The following CSMD3 variants were observed in gnomAD, a reference collection of about 807,000 sequenced individuals.
The protein encoded by CSMD3 is CUB and Sushi multiple domains 3.
Under a neutral mutation model 435.2 loss-of-function variants are expected in CSMD3, and 177 were observed. The ratio of observed to expected loss-of-function variants is 0.41; its 90% CI spans 0.36 to 0.46. The LOEUF is 0.46. CSMD3 is among the 20% of genes least tolerant of loss of function. The pLI, the probability that CSMD3 is intolerant of heterozygous loss-of-function variation, is 0.34. For synonymous variants in CSMD3, 1,656 were observed against 1,520.5 expected, an observed-to-expected ratio of 1.09 and a Z score of -2.07; for missense variants, 4,265 against 4,504.6, an observed-to-expected ratio of 0.95 and a Z score of 1.52.
intron 3 of CSMD3, among the ~76,000 whole-genome samples, chr8:113,276,664 CA>C (rs1356144621): frequency 1.8e-4 from 28 of 151,792 alleles, no homozygotes; most frequent in Non-Finnish European, 4.4e-5. Flanking sequence ...GAGAAATCAG[CA>C]AAGAACACCA....
intron 1 of CSMD3, among the ~76,000 whole-genome samples, chr8:113,423,721 T>A (rs1348542491): frequency 6.6e-6 from 1 of 151,822 alleles, no homozygotes; most frequent in Non-Finnish European, 1.5e-5. Context: ...TTTAAATAGG[T>A]CGTCTTTATG....
chr8:112,474,766 T>C (rs139483824), intron 31 of CSMD3, among the ~76,000 whole-genome samples: 3 of 152,270 alleles, frequency 2.0e-5, no homozygotes, highest in East Asian at 1.9e-4. Flanking sequence ...AGCAATACAG[T>C]ATAGTTAAAA....
At chr8:112,758,004 C>A (rs959622995) in intron 13 of CSMD3, among the ~76,000 whole-genome samples, 1 of 151,458 alleles carries the variant, frequency 6.6e-6, no homozygotes, top group African/African-American at 2.4e-5. Context: ...TGCAGTGAGC[C>A]GTGATCAGGC....
intron 13 of CSMD3, among the ~76,000 whole-genome samples, chr8:112,715,624 A>C (rs938357241): frequency 6.6e-6 from 1 of 152,186 alleles, no homozygotes; most frequent in Non-Finnish European, 1.5e-5. Context: ...ACAACAAAAA[A>C]AGAAAACTTC....
intron 7 of CSMD3, among the ~76,000 whole-genome samples, chr8:112,974,761 T>C (rs1159166028): frequency 1.3e-5 from 2 of 151,762 alleles, no homozygotes; most frequent in African/African-American, 2.4e-5. Context: ...TTCTGAGATA[T>C]TTTTGTATTA....
chr8:112,438,803 A>G (rs539985619), intron 32 of CSMD3, among the ~76,000 whole-genome samples: 2 of 152,358 alleles, frequency 1.3e-5, no homozygotes, highest in African/African-American at 4.8e-5. Context: ...TGAAAAAATA[A>G]TTATAACCCC....
intron 2 of CSMD3, among the ~76,000 whole-genome samples, chr8:113,282,908 T>G (rs999076502): frequency 6.6e-6 from 1 of 151,940 alleles, no homozygotes; most frequent in African/African-American, 2.4e-5. Context: ...TGGAACAGAA[T>G]AGAGAACCCA....
chr8:112,244,538 C>T lies in CSMD3; in HGVS notation c.10258G>A (p.Ala3420Thr), dbSNP rs1162260163. The change falls in exon 65 of 71, where the codon GCA becomes ACA. Residue 3420 changes from alanine (A) to threonine (T), a missense_variant. By Grantham distance (58) the Ala-to-Thr change is moderately conservative. This residue lies in a region of CSMD3 where 3,255 missense variants were observed against 3,380.2 expected (regional missense o/e 0.96). Transcript: ENST00000297405. ...GGAAGGTCCATCCCTACGACATTTG[C>T]ATGAGCAGGAGTTTCTGGCTGTTTA... is the stretch of plus-strand genomic sequence containing the variant. Reference protein sequence around the residue: ...SCKQPETPAHANVVGMDLPSH... With the variant: ...SCKQPETPAHTNVVGMDLPSH... 1 of 1,613,812 alleles carries T rather than the reference C, an allele frequency of 6.2e-7. No homozygotes were observed. Among genetic ancestry groups the T allele is most frequent in the Non-Finnish European group, 8.5e-7 (1 of 1,179,802 alleles).
At chr8:112,771,049 T>C (rs1375096655) in intron 13 of CSMD3, among the ~76,000 whole-genome samples, 1 of 151,916 alleles carries the variant, frequency 6.6e-6, no homozygotes, top group African/African-American at 2.4e-5. Context: ...AAATCAAGGA[T>C]GAAAATAAAA....
At chr8:112,757,654 A>G (rs2077731819) in intron 13 of CSMD3, among the ~76,000 whole-genome samples, 1 of 152,114 alleles carries the variant, frequency 6.6e-6, no homozygotes, top group South Asian at 2.1e-4. Flanking sequence ...TAGTTTGTTC[A>G]GTATTTTTCT....
At chr8:112,846,169 ATCT>A (rs553850130) in intron 11 of CSMD3, among the ~76,000 whole-genome samples, 132 of 148,892 alleles carry the variant, frequency 8.9e-4, no homozygotes, top group African/African-American at 2.8e-3. Flanking sequence ...AATGCATGTA[ATCT>A]TCTATCTAGA....
intron 13 of CSMD3, among the ~76,000 whole-genome samples, chr8:112,793,196 ATAT>A (rs1224629573): frequency 2.0e-5 from 3 of 147,258 alleles, no homozygotes; most frequent in Non-Finnish European, 4.5e-5. Flanking sequence ...TACTATATAA[ATAT>A]TATATATAAA....
intron 32 of CSMD3, among the ~76,000 whole-genome samples, chr8:112,422,814 TC>T: frequency 6.6e-6 from 1 of 152,270 alleles, no homozygotes; most frequent in South Asian, 2.1e-4. Context: ...TTTAACTCTG[TC>T]AAAGACAATG....
At chr8:113,128,258 A>T (rs1419937147) in intron 4 of CSMD3, among the ~76,000 whole-genome samples, 1 of 152,042 alleles carries the variant, frequency 6.6e-6, no homozygotes, top group Non-Finnish European at 1.5e-5. Context: ...CATGTTTTTG[A>T]ATGAGTGAAT....
At position 112,650,880 on chromosome 8, in the gene CSMD3, T is replaced by C. The variant is rs1053550454; in HGVS notation, c.3005-531A>G. ...ACTTCAGTGTCTCCTGATATCTTCC[T>C]TGCAATTTACAATCCCTAGCTGAGA... On this transcript the variant is annotated intron_variant, in intron 18 of 70. Transcript: ENST00000297405. Among the ~76,000 whole-genome samples, 6 of 152,358 alleles carry C rather than the reference T, an allele frequency of 3.9e-5. No individual in the cohort carries two copies. In the Middle Eastern group the frequency reaches 0.017, roughly 432 times the overall value.
At chr8:113,370,826 C>G (rs570486019) in intron 1 of CSMD3, among the ~76,000 whole-genome samples, 2 of 151,856 alleles carry the variant, frequency 1.3e-5, no homozygotes, top group Non-Finnish European at 2.9e-5. Flanking sequence ...TTATATTTTG[C>G]CTGTTAAAAA....
At chr8:112,752,417 C>T (rs941442392) in intron 13 of CSMD3, among the ~76,000 whole-genome samples, 2 of 152,148 alleles carry the variant, frequency 1.3e-5, no homozygotes, top group Non-Finnish European at 2.9e-5. Flanking sequence ...CTAAATGTCT[C>T]TCCTACCTTC....
chr8:112,887,714 A>G (rs545086802), intron 10 of CSMD3, among the ~76,000 whole-genome samples: 14 of 147,478 alleles, frequency 9.5e-5, no homozygotes, highest in African/African-American at 3.3e-4. Context: ...TTGATTACTT[A>G]AACTATTTGA....
At chr8:112,791,621 A>G (rs2078694878) in intron 13 of CSMD3, among the ~76,000 whole-genome samples, 1 of 151,974 alleles carries the variant, frequency 6.6e-6, no homozygotes. Flanking sequence ...AATTTTTGTT[A>G]TATACTCACC....
Sources: gnomAD v4.1 joint callset for allele counts (sites outside exome capture counted in the v4.1 genomes callset) on GRCh38, gnomAD v4.1.1 for gene constraint, gnomAD v4.1.1 regional missense constraint, MANE v1.5 for transcripts, NCBI Gene and HGNC (gene_info 2026-07-23, HGNC 2026-07-21) for gene names.